The following SLTM variants were observed in gnomAD, a reference collection of about 807,000 sequenced individuals.
SLTM encodes the protein SAFB like transcription modulator, also known as SAFB-like transcription modulator.
In SLTM, 43 loss-of-function variants were observed where a neutral mutation model predicts 134.6. The observed-to-expected ratio is 0.32, with a 90% confidence interval of 0.25 to 0.41. The LOEUF is 0.41. SLTM is among the 10% of genes least tolerant of loss of function. The pLI, the probability that SLTM is intolerant of heterozygous loss-of-function variation, is 1.00. For synonymous variants in SLTM, 424 were observed against 432.3 expected (o/e 0.98, Z 0.24); for missense variants, 1,055 against 1,288.8 (o/e 0.82, Z 2.78).
rs776240438 is a variant in SLTM, at chr15:58,889,568, A to G, written c.2080-14T>C. 1 of 1,613,526 alleles carries G rather than the reference A, an allele frequency of 6.2e-7. No homozygotes were observed. ...CTTACGACGTTCCTTCAGACAACAC[A>G]GAATGAAGAACCAACCAAGGCAAAA... On this transcript the variant is annotated splice_polypyrimidine_tract_variant and intron_variant, in intron 15 of 20. Coordinates refer to ENST00000380516, the MANE Select transcript of SLTM (RefSeq NM_024755.4).
chr15:58,893,975 A>C lies in SLTM; in HGVS notation c.1494T>G (p.Ser498=), dbSNP rs1478884151. 1.2e-6 allele frequency: 2 copies of C among 1,610,702 alleles called. No homozygotes were observed. Among genetic ancestry groups the C allele is most frequent in the East Asian group, 2.2e-5 (1 of 44,790 alleles). ...TSDRSSKTQA[S]VKKEEKRSSE... ...ACGATCTTTTCTCTTCTTTTTTGAC[A>C]GAGGCTTGTGTCCTGACCATACCGC... is the stretch of plus-strand genomic sequence containing the variant. The change falls in exon 12 of 21, where the codon TCT becomes TCG. Residue 498 remains serine, a synonymous_variant. Transcript: ENST00000380516.
chr15:58,921,341 T>C (rs1261831550), intron 2 of SLTM: 2 of 157,286 alleles, frequency 1.3e-5, no homozygotes, highest in Non-Finnish European at 2.9e-5. Flanking sequence ...AACCATTCGA[T>C]CTCTGAGGAG....
chr15:58,887,148 G>C (rs770834420), intron 18 of SLTM, 29 bp from the exon 19 acceptor site: 3 of 1,613,444 alleles, frequency 1.9e-6, no homozygotes, highest in Admixed American at 1.7e-5. Context: ...AAACATACAT[G>C]ATCAAAACTG....
At chr15:58,906,525 G>T (rs557344511) in intron 5 of SLTM, among the ~76,000 whole-genome samples, 1 of 152,128 alleles carries the variant, frequency 6.6e-6, no homozygotes, top group Non-Finnish European at 1.5e-5. Context: ...AGTGAACCAA[G>T]TATTTACTAC....
chr15:58,917,055 A>T (rs537377838), intron 2 of SLTM, 56 bp from the exon 3 acceptor site: 5 of 1,533,832 alleles, frequency 3.3e-6, no homozygotes, highest in Non-Finnish European at 4.5e-6. Context: ...TAAGAACAAA[A>T]AATATTCAGA....
In SLTM at chr15:58,887,371, C is replaced by G. The variant is rs758385867; in HGVS notation, c.2545G>C (p.Glu849Gln). 1.9e-6 allele frequency: 3 copies of G among 1,613,860 alleles called. No individual in the cohort carries two copies. Among genetic ancestry groups the G allele is most frequent in the Non-Finnish European group, 2.5e-6 (3 of 1,179,992 alleles). The part of the protein sequence containing the change: ...RESDRREVRG[E>Q]RDERRTVIIH... ...ATCACCGTTCTCCTTTCGTCTCGCTCCCCTCGTACTTCTCGCCTGTCTGAT... is the reference window on the plus strand; with the variant it reads ...ATCACCGTTCTCCTTTCGTCTCGCTGCCCTCGTACTTCTCGCCTGTCTGAT... The change falls in exon 18 of 21, where the codon GAG (glutamate) becomes CAG (glutamine). Residue 849 changes from glutamate (E) to glutamine (Q), a missense_variant. Transcript: ENST00000380516.
intron 2 of SLTM, 158 bp from the exon 3 acceptor site, chr15:58,917,157 C>T: frequency 1.6e-6 from 1 of 615,968 alleles, no homozygotes; most frequent in South Asian, 2.0e-5. Flanking sequence ...CTGTCCCAAA[C>T]AAAAAAAGCT....
At chr15:58,924,270 A>T (rs1312948408) in intron 2 of SLTM, among the ~76,000 whole-genome samples, 1 of 152,254 alleles carries the variant, frequency 6.6e-6, no homozygotes, top group East Asian at 1.9e-4. Context: ...GACAAAAACA[A>T]AATCTAAAAT....
chr15:58,907,138 G>A (rs1225416197), intron 5 of SLTM, among the ~76,000 whole-genome samples: 3 of 152,326 alleles, frequency 2.0e-5, no homozygotes, highest in Admixed American at 6.5e-5. Flanking sequence ...AAAAGAGAGA[G>A]ATGAAAGAAA....
chr15:58,924,732 C>T (rs2037340459), intron 2 of SLTM, among the ~76,000 whole-genome samples: 2 of 152,158 alleles, frequency 1.3e-5, no homozygotes, highest in African/African-American at 4.8e-5. Flanking sequence ...TTTCCTTTTC[C>T]TCCAAAGGCA....
At chr15:58,894,060 C>T in intron 11 of SLTM, 30 bp downstream of exon 11, 1 of 1,593,018 alleles carries the variant, frequency 6.3e-7, no homozygotes, top group African/African-American at 1.4e-5. Flanking sequence ...ATCTGCTTAT[C>T]AAAATAAATA....
At chr15:58,893,768 A>C in intron 12 of SLTM, 53 bp downstream of exon 12, 1 of 1,534,126 alleles carries the variant, frequency 6.5e-7, no homozygotes, top group Non-Finnish European at 8.7e-7. Context: ...TTCCACTGTA[A>C]AAATTAAGTA....
chr15:58,893,545 C>G (rs1233943785), intron 12 of SLTM, among the ~76,000 whole-genome samples, 181 bp from the exon 13 acceptor site: 1 of 152,200 alleles, frequency 6.6e-6, no homozygotes, highest in East Asian at 1.9e-4. Flanking sequence ...AACATAAATA[C>G]TTTCAGTGAT....
intron 5 of SLTM, among the ~76,000 whole-genome samples, chr15:58,902,729 G>A: frequency 7.1e-6 from 1 of 140,316 alleles, no homozygotes; most frequent in East Asian, 2.1e-4. Context: ...GTTTTGTCTT[G>A]TTTTTTTTTT....
intron 2 of SLTM, among the ~76,000 whole-genome samples, chr15:58,928,420 G>A (rs950645510): frequency 6.6e-6 from 1 of 152,146 alleles, no homozygotes; most frequent in Middle Eastern, 3.2e-3. Flanking sequence ...AAGAGAGTGT[G>A]AAGACTCAGG....
intron 3 of SLTM, among the ~76,000 whole-genome samples, chr15:58,916,362 T>C (rs1360492876): frequency 3.3e-5 from 5 of 152,060 alleles, no homozygotes; most frequent in Non-Finnish European, 1.5e-5. Flanking sequence ...TTAGTAGAGA[T>C]GGGGTTTTAC....
At chr15:58,920,662 T>TAAAA (rs1555456124) in intron 2 of SLTM, among the ~76,000 whole-genome samples, 6 of 135,600 alleles carry the variant, frequency 4.4e-5, no homozygotes, top group Non-Finnish European at 9.7e-5. Context: ...AATAAATAAA[T>TAAAA]AAAAATTTTT....
At chr15:58,924,834 T>G (rs1452846170) in intron 2 of SLTM, among the ~76,000 whole-genome samples, 1 of 152,210 alleles carries the variant, frequency 6.6e-6, no homozygotes, top group Non-Finnish European at 1.5e-5. Flanking sequence ...TTAGTTTCTT[T>G]TCTTTGAGAC....
At chr15:58,883,311 T>C (rs543928650) in intron 20 of SLTM, among the ~76,000 whole-genome samples, 1 of 152,122 alleles carries the variant, frequency 6.6e-6, no homozygotes, top group African/African-American at 2.4e-5. Context: ...TGAGACTCCA[T>C]CTCAAAAAAC....
Sources: gnomAD v4.1 joint callset for allele counts (sites outside exome capture counted in the v4.1 genomes callset) on GRCh38, gnomAD v4.1.1 for gene constraint, MANE v1.5 for transcripts, NCBI Gene and HGNC (gene_info 2026-07-23, HGNC 2026-07-21) for gene names.